UNC13C: variants seen among roughly 807,000 people sequenced by gnomAD.
The protein encoded by UNC13C is unc-13 homolog C.
A neutral mutation model predicts 245.4 loss-of-function variants in UNC13C; 174 were observed. That is an observed-to-expected ratio of 0.71 (90% CI 0.63 to 0.80). The LOEUF (loss-of-function observed/expected upper bound fraction) is 0.80, where lower values mean the gene tolerates loss of function less well. UNC13C is among the 30% of genes least tolerant of loss of function. UNC13C has a pLI of 0.00. For synonymous variants in UNC13C, 992 were observed against 895.1 expected (o/e 1.11, Z -1.93); for missense variants, 2,829 against 2,602.9 (o/e 1.09, Z -1.89).
intron 2 of UNC13C, among the ~76,000 whole-genome samples, chr15:54,042,506 T>C (rs1428561486): frequency 6.6e-6 from 1 of 152,216 alleles, no homozygotes; most frequent in Non-Finnish European, 1.5e-5. Context: ...AACTGATAGA[T>C]GGTAACCACA....
At chr15:54,499,609 A>G (rs1894107857) in intron 20 of UNC13C, among the ~76,000 whole-genome samples, 1 of 152,112 alleles carries the variant, frequency 6.6e-6, no homozygotes, top group African/African-American at 2.4e-5. Context: ...CAGAATGGAG[A>G]AAAAAATATC....
chr15:54,546,804 A>C lies in UNC13C; in HGVS notation c.5779A>C (p.Ile1927Leu), dbSNP rs1448231107. The C allele has an allele frequency of 1.9e-6, 3 of 1,577,104 alleles. No individual in the cohort carries two copies. The highest frequency in any genetic ancestry group is 2.6e-6 in the Non-Finnish European group (3 of 1,160,176). ...KELWKLVLNKIEKQIVLPPLT... is the reference protein window; with the variant it reads ...KELWKLVLNKLEKQIVLPPLT... ...GTTATGGAAGCTAGTTCTCAACAAA[A>C]TAGAAAAACAAATTGTTCTTCCTCC... The change falls in exon 27 of 33, where the codon ATA becomes CTA. Residue 1927 changes from isoleucine to leucine, a missense_variant. By Grantham distance (5) the Ile-to-Leu change is conservative. Transcript: ENST00000260323.
intron 17 of UNC13C, among the ~76,000 whole-genome samples, chr15:54,381,820 A>T (rs1227444383): frequency 6.6e-6 from 1 of 152,180 alleles, no homozygotes; most frequent in Non-Finnish European, 1.5e-5. Context: ...AGATTTCAAC[A>T]TCCTACTCTC....
chr15:54,061,300 C>T (rs558107016), intron 2 of UNC13C, among the ~76,000 whole-genome samples: 3 of 152,046 alleles, frequency 2.0e-5, no homozygotes, highest in South Asian at 4.2e-4. Flanking sequence ...TCTTGGTGGA[C>T]CTCACCTAAG....
At chr15:53,884,952 G>A in the UNC13C span, among the ~76,000 whole-genome samples, 1 of 152,126 alleles carries the variant, frequency 6.6e-6, no homozygotes, top group African/African-American at 2.4e-5. Context: ...GGTGAAATCA[G>A]GATTTTACAG....
At chr15:54,482,239 G>A (rs968338716) in intron 19 of UNC13C, among the ~76,000 whole-genome samples, 4 of 152,078 alleles carry the variant, frequency 2.6e-5, no homozygotes, top group Non-Finnish European at 4.4e-5. Context: ...CTTCAGTAAC[G>A]TAAATGCAGG....
chr15:54,623,220 A>G (rs546857862), intron 31 of UNC13C, among the ~76,000 whole-genome samples: 38 of 152,140 alleles, frequency 2.5e-4, no homozygotes, highest in Non-Finnish European at 5.0e-4. Context: ...ACTGAAATTT[A>G]AAAACAGCTA....
intron 17 of UNC13C, among the ~76,000 whole-genome samples, chr15:54,348,538 A>G (rs898558496): frequency 6.6e-6 from 1 of 152,190 alleles, no homozygotes; most frequent in Non-Finnish European, 1.5e-5. Context: ...TGTGATATGT[A>G]TACCACAATT....
chr15:54,240,034 A>G (rs1254874125), intron 7 of UNC13C, among the ~76,000 whole-genome samples: 2 of 152,236 alleles, frequency 1.3e-5, no homozygotes, highest in Non-Finnish European at 1.5e-5. Context: ...AATTAGTGGA[A>G]TGCTAGTGTA....
At chr15:54,125,764 T>C (rs1384310993) in intron 2 of UNC13C, among the ~76,000 whole-genome samples, 1 of 152,222 alleles carries the variant, frequency 6.6e-6, no homozygotes, top group Non-Finnish European at 1.5e-5. Flanking sequence ...CTTTGTCTTC[T>C]AAGTAGATTG....
At chr15:54,588,668 C>T (rs1898612941) in intron 30 of UNC13C, among the ~76,000 whole-genome samples, 2 of 152,144 alleles carry the variant, frequency 1.3e-5, no homozygotes, top group South Asian at 4.1e-4. Flanking sequence ...TTCCCGAAGT[C>T]CATTGTACAT....
intron 24 of UNC13C, among the ~76,000 whole-genome samples, 170 bp from the exon 25 acceptor site, chr15:54,525,379 G>T: frequency 6.9e-6 from 1 of 144,694 alleles, no homozygotes. Flanking sequence ...TTTCTTTAAA[G>T]TTTCCTAAAT....
At chr15:54,452,484 A>T (rs1353278879) in intron 19 of UNC13C, among the ~76,000 whole-genome samples, 1 of 152,108 alleles carries the variant, frequency 6.6e-6, no homozygotes, top group African/African-American at 2.4e-5. Flanking sequence ...AGCAGGCTGG[A>T]TGGGCCCATC....
Position 54,053,564 on chromosome 15 carries a change from C to T in UNC13C, c.2983+37678C>T, listed in dbSNP as rs550100790. The stretch of plus-strand genomic sequence containing the variant: ...CATGGCATATTTTGATACAGACATA[C>T]GATGTGTAACAATTGCATCAGGGTG... On this transcript the variant is annotated intron_variant, in intron 2 of 32. Coordinates refer to ENST00000260323, the MANE Select transcript of UNC13C (RefSeq NM_001080534.3). 4.6e-5 allele frequency among the ~76,000 whole-genome samples: 7 copies of T among 152,180 alleles called. No homozygotes were observed. The East Asian group carries it at 9.7e-4, about 21-fold the overall frequency.
At chr15:54,245,142 G>T (rs1242985867) in intron 7 of UNC13C, among the ~76,000 whole-genome samples, 1 of 151,986 alleles carries the variant, frequency 6.6e-6, no homozygotes, top group Admixed American at 6.6e-5. Context: ...GAAATCCATA[G>T]TATTTTTAGT....
At chr15:54,544,516 T>C (rs1896399550) in intron 26 of UNC13C, among the ~76,000 whole-genome samples, 1 of 152,228 alleles carries the variant, frequency 6.6e-6, no homozygotes, top group Non-Finnish European at 1.5e-5. Flanking sequence ...TGTCTCTGTT[T>C]GCAGATGACA....
chr15:54,632,554 C>T (rs1271624518), downstream of UNC13C: 1 of 152,294 alleles, frequency 6.6e-6, no homozygotes, highest in South Asian at 2.1e-4. Context: ...TATTAAATTA[C>T]AATTGAGTAA....
At chr15:54,408,715 G>A (rs2040358524) in intron 18 of UNC13C, among the ~76,000 whole-genome samples, 1 of 152,130 alleles carries the variant, frequency 6.6e-6, no homozygotes, top group Non-Finnish European at 1.5e-5. Flanking sequence ...CAAATTTTCA[G>A]TAGTTTGGTG....
intron 7 of UNC13C, among the ~76,000 whole-genome samples, chr15:54,240,797 A>C (rs1461025124): frequency 1.3e-5 from 2 of 152,240 alleles, no homozygotes; most frequent in Non-Finnish European, 2.9e-5. Context: ...ATACCATAGC[A>C]GTAGTCTCCC....
Sources: gnomAD v4.1 joint callset for allele counts (sites outside exome capture counted in the v4.1 genomes callset) on GRCh38, gnomAD v4.1.1 for gene constraint, MANE v1.5 for transcripts, NCBI Gene and HGNC (gene_info 2026-07-23, HGNC 2026-07-21) for gene names.